The following EPB41L2 variants were observed in gnomAD, a reference collection of about 807,000 sequenced individuals.
EPB41L2 encodes band 4.1-like protein 2.
Under a neutral mutation model 113.0 loss-of-function variants are expected in EPB41L2, and 43 were observed. The observed-to-expected ratio is 0.38, with a 90% confidence interval of 0.30 to 0.49. The LOEUF (loss-of-function observed/expected upper bound fraction) is 0.49, where lower values mean the gene tolerates loss of function less well. EPB41L2 is among the 20% of genes least tolerant of loss of function. The pLI, the probability that EPB41L2 is intolerant of heterozygous loss-of-function variation, is 0.95. For missense variants in EPB41L2, 1,147 were observed against 1,223.4 expected (o/e 0.94, Z 0.93); for synonymous variants, 442 against 436.7 (o/e 1.01, Z -0.15).
chr6:131,054,104 G>A (rs1174407735), intron 1 of EPB41L2, among the ~76,000 whole-genome samples: 1 of 152,186 alleles, frequency 6.6e-6, no homozygotes, highest in Admixed American at 6.5e-5. Context: ...AGATTCAACT[G>A]GCTCATGGCT....
intron 1 of EPB41L2, among the ~76,000 whole-genome samples, chr6:131,026,795 G>C (rs905756593): frequency 6.6e-6 from 1 of 152,038 alleles, no homozygotes. Flanking sequence ...AACTCCTCTA[G>C]TCTGTATGGA....
At chr6:130,841,443 C>T (rs560391018) in intron 19 of EPB41L2, among the ~76,000 whole-genome samples, 2 of 152,214 alleles carry the variant, frequency 1.3e-5, no homozygotes, top group South Asian at 2.1e-4. Context: ...GTGTGATTTA[C>T]GTTTTGAAAA....
intron 1 of EPB41L2, among the ~76,000 whole-genome samples, chr6:130,991,757 G>A (rs950987445): frequency 2.2e-4 from 34 of 152,202 alleles, no homozygotes; most frequent in African/African-American, 8.2e-4. Context: ...TCAACAACAT[G>A]AAGATGCATA....
chr6:130,880,495 A>T, intron 12 of EPB41L2: 1 of 650,260 alleles, frequency 1.5e-6, no homozygotes, highest in Non-Finnish European at 2.7e-6. Context: ...TTCGCCTGAA[A>T]AGTCACACAG....
intron 1 of EPB41L2, among the ~76,000 whole-genome samples, chr6:130,985,754 A>G (rs1340346672): frequency 6.6e-6 from 1 of 152,176 alleles, no homozygotes; most frequent in East Asian, 1.9e-4. Flanking sequence ...GCTTTGAAGA[A>G]CAGAAAAAGA....
At chr6:131,018,595 T>C (rs1788764162) in intron 1 of EPB41L2, among the ~76,000 whole-genome samples, 1 of 152,210 alleles carries the variant, frequency 6.6e-6, no homozygotes, top group Admixed American at 6.5e-5. Context: ...GTTCTGTGTG[T>C]CCCCTCCCCG....
Position 130,956,465 on chromosome 6 carries a change from A to G in EPB41L2, c.21T>C (p.Ser7=). 1.2e-6 allele frequency: 2 copies of G among 1,613,620 alleles called. No homozygotes were observed. Among genetic ancestry groups the G allele is most frequent in the Non-Finnish European group, 1.7e-6 (2 of 1,179,934 alleles). MTTEVG[S]VSEVKKDSSQ... ...TAGAGTCCTTCTTCACTTCAGACACAGAGCCTACTTCAGTAGTCATGGCCA... is the reference window on the plus strand; with the variant it reads ...TAGAGTCCTTCTTCACTTCAGACACGGAGCCTACTTCAGTAGTCATGGCCA... The change falls in exon 2 of 20, where the codon TCT becomes TCC. Residue 7 remains serine, a synonymous_variant. Transcript: ENST00000337057.
intron 1 of EPB41L2, among the ~76,000 whole-genome samples, chr6:130,989,470 GA>G (rs35475611): frequency 1.7e-4 from 26 of 150,232 alleles, no homozygotes; most frequent in South Asian, 4.2e-4. Context: ...GGGCTGAGTA[GA>G]AAAAAAAAAT....
chr6:130,874,545 GA>G (rs1437914685), intron 14 of EPB41L2, among the ~76,000 whole-genome samples: 1 of 151,620 alleles, frequency 6.6e-6, no homozygotes, highest in African/African-American at 2.4e-5. Context: ...GTTATTTAAA[GA>G]AAAACAAAAA....
chr6:130,972,937 C>CAATAAAAAAAAAAA (rs1777216155), intron 1 of EPB41L2, among the ~76,000 whole-genome samples: 1 of 59,528 alleles, frequency 1.7e-5, no homozygotes, highest in Non-Finnish European at 2.9e-5. Flanking sequence ...ACTAAAGATA[C>CAATAAAAAAAAAAA]AAAAAAAAAA....
At chr6:131,051,120 T>C (rs1385742553) in intron 1 of EPB41L2, among the ~76,000 whole-genome samples, 1 of 152,152 alleles carries the variant, frequency 6.6e-6, no homozygotes, top group Non-Finnish European at 1.5e-5. Context: ...TACTGAACTT[T>C]TCCTAGGAAG....
intron 3 of EPB41L2, among the ~76,000 whole-genome samples, chr6:130,931,526 C>T (rs1166981152): frequency 6.6e-6 from 1 of 152,088 alleles, no homozygotes; most frequent in Admixed American, 6.6e-5. Context: ...TATCAGGTGA[C>T]ACATATTAAA....
chr6:130,910,784 C>G (rs1226008863), intron 4 of EPB41L2, among the ~76,000 whole-genome samples: 1 of 152,214 alleles, frequency 6.6e-6, no homozygotes, highest in Non-Finnish European at 1.5e-5. Context: ...AGCTCATCAT[C>G]ACTGGTCATT....
At chr6:130,980,348 G>C (rs1779118423) in intron 1 of EPB41L2, among the ~76,000 whole-genome samples, 2 of 152,022 alleles carry the variant, frequency 1.3e-5, no homozygotes, top group Non-Finnish European at 2.9e-5. Flanking sequence ...CGGTGGGAGA[G>C]ATAGAGAGGA....
intron 18 of EPB41L2, among the ~76,000 whole-genome samples, chr6:130,861,693 G>A (rs1367289085): frequency 1.3e-5 from 2 of 151,954 alleles, no homozygotes. Flanking sequence ...CCAACACAGT[G>A]AAACCCCATC....
intron 1 of EPB41L2, among the ~76,000 whole-genome samples, chr6:131,043,987 T>A (rs952351894): frequency 1.3e-5 from 2 of 151,782 alleles, no homozygotes; most frequent in African/African-American, 4.8e-5. Context: ...TTCAGTTTAG[T>A]TTTGTATATA....
At chr6:130,985,533 C>A (rs777935115) in intron 1 of EPB41L2, among the ~76,000 whole-genome samples, 1 of 152,164 alleles carries the variant, frequency 6.6e-6, no homozygotes, top group Non-Finnish European at 1.5e-5. Flanking sequence ...ACGTCTCCTG[C>A]AGCAGGTAGC....
At chr6:131,003,400 C>T (rs1784782230) in intron 1 of EPB41L2, among the ~76,000 whole-genome samples, 1 of 152,088 alleles carries the variant, frequency 6.6e-6, no homozygotes, top group African/African-American at 2.4e-5. Context: ...TAAAAAGATC[C>T]AATCCTTTGA....
chr6:130,929,250 G>A (rs577928972), intron 3 of EPB41L2, among the ~76,000 whole-genome samples: 12 of 152,314 alleles, frequency 7.9e-5, no homozygotes, highest in African/African-American at 2.4e-4. Context: ...TCACAGCTGC[G>A]CCAAGAATAT....
Sources: gnomAD v4.1 joint callset for allele counts (sites outside exome capture counted in the v4.1 genomes callset) on GRCh38, gnomAD v4.1.1 for gene constraint, MANE v1.5 for transcripts, NCBI Gene and HGNC (gene_info 2026-07-23, HGNC 2026-07-21) for gene names.